ODAD2: variants seen among roughly 807,000 people sequenced by gnomAD.
ODAD2 encodes the protein outer dynein arm-docking complex subunit 2.
In ODAD2, 89 loss-of-function variants were observed where a neutral mutation model predicts 106.8. That is an observed-to-expected ratio of 0.83 (90% CI 0.70 to 0.99). The LOEUF (loss-of-function observed/expected upper bound fraction) is 0.99. Ranked by LOEUF, ODAD2 falls within the 50% of genes least tolerant of loss-of-function variation. The pLI, the probability that ODAD2 is intolerant of heterozygous loss-of-function variation, is 0.00. For missense variants in ODAD2, 1,168 were observed against 1,238.5 expected (o/e 0.94, Z 0.85); for synonymous variants, 404 against 436.2 (o/e 0.93, Z 0.92).
At chr10:27,899,834 C>A (rs957719364) in intron 17 of ODAD2, among the ~76,000 whole-genome samples, 6 of 152,204 alleles carry the variant, frequency 3.9e-5, no homozygotes, top group Non-Finnish European at 8.8e-5. Context: ...ATACATAAAA[C>A]TCCCATCTCC....
At chr10:27,916,988 A>T (rs544763604) in intron 16 of ODAD2, among the ~76,000 whole-genome samples, 12 of 152,320 alleles carry the variant, frequency 7.9e-5, no homozygotes, top group African/African-American at 2.9e-4. Flanking sequence ...AATAAAATTT[A>T]AAAAATGATA....
intron 19 of ODAD2, among the ~76,000 whole-genome samples, chr10:27,839,257 A>G (rs1002572922): frequency 2.0e-5 from 3 of 152,236 alleles, no homozygotes; most frequent in Admixed American, 6.5e-5. Flanking sequence ...CTGAAGATAT[A>G]TAAGTAACAA....
At chr10:27,903,838 C>A (rs1383960037) in intron 17 of ODAD2, among the ~76,000 whole-genome samples, 2 of 152,154 alleles carry the variant, frequency 1.3e-5, no homozygotes, top group South Asian at 4.1e-4. Context: ...TCACAGGCTG[C>A]CTGTCATTTC....
chr10:27,874,706 G>T (rs187482427), intron 17 of ODAD2, among the ~76,000 whole-genome samples: 1 of 152,174 alleles, frequency 6.6e-6, no homozygotes, highest in Non-Finnish European at 1.5e-5. Context: ...GTCTTGTAGG[G>T]TTTCTGCCGA....
chr10:27,883,797 T>C (rs1239078485), intron 17 of ODAD2, among the ~76,000 whole-genome samples: 2 of 152,118 alleles, frequency 1.3e-5, no homozygotes, highest in Non-Finnish European at 2.9e-5. Flanking sequence ...ATTCATTAGA[T>C]GGGCTTAACA....
At chr10:27,864,824 G>A (rs770307316) in intron 17 of ODAD2, among the ~76,000 whole-genome samples, 1 of 152,052 alleles carries the variant, frequency 6.6e-6, no homozygotes, top group Non-Finnish European at 1.5e-5. Context: ...CATCCCAACG[G>A]CGTATCAGGC....
chr10:27,994,399 C>T (rs1471912691), intron 2 of ODAD2, among the ~76,000 whole-genome samples: 5 of 152,088 alleles, frequency 3.3e-5, no homozygotes, highest in Admixed American at 6.6e-5. Context: ...GCAGGTAATA[C>T]GGAAGTACCC....
At chr10:27,842,076 C>G (rs2133119135) in intron 19 of ODAD2, among the ~76,000 whole-genome samples, 1 of 152,306 alleles carries the variant, frequency 6.6e-6, no homozygotes, top group South Asian at 2.1e-4. Context: ...AGTTAAGATG[C>G]ATCTCTTCAA....
chr10:27,964,946 G>A (rs1438411253), intron 9 of ODAD2, among the ~76,000 whole-genome samples: 2 of 152,178 alleles, frequency 1.3e-5, no homozygotes, highest in African/African-American at 4.8e-5. Flanking sequence ...CTTCAGTCTA[G>A]GTTAAGATTT....
chr10:27,895,975 C>G (rs1842829022), intron 17 of ODAD2, among the ~76,000 whole-genome samples: 2 of 152,132 alleles, frequency 1.3e-5, no homozygotes, highest in African/African-American at 4.8e-5. Flanking sequence ...GAAGAAACAG[C>G]CTTGCAAATC....
intron 16 of ODAD2, among the ~76,000 whole-genome samples, chr10:27,909,218 G>T (rs575183576): frequency 6.6e-6 from 1 of 151,762 alleles, no homozygotes; most frequent in East Asian, 1.9e-4. Context: ...TGAAAATTTC[G>T]CAGCAAATTT....
At chr10:27,839,949 G>A (rs1838188012) in intron 19 of ODAD2, among the ~76,000 whole-genome samples, 1 of 152,096 alleles carries the variant, frequency 6.6e-6, no homozygotes, top group Non-Finnish European at 1.5e-5. Context: ...ATCCATACCA[G>A]CAGTTGGCAG....
intron 17 of ODAD2, among the ~76,000 whole-genome samples, chr10:27,895,101 G>A (rs554954522): frequency 1.3e-5 from 2 of 150,090 alleles, no homozygotes; most frequent in African/African-American, 4.9e-5. Context: ...AAAATTACAG[G>A]TGATTTTTTT....
chr10:27,907,118 T>C (rs957669052), intron 17 of ODAD2, among the ~76,000 whole-genome samples: 1 of 152,170 alleles, frequency 6.6e-6, no homozygotes. Flanking sequence ...TCAAAAGTGA[T>C]CTTCAAAGAA....
At chr10:27,937,196 G>A (rs569268913) in intron 14 of ODAD2, among the ~76,000 whole-genome samples, 1 of 152,292 alleles carries the variant, frequency 6.6e-6, no homozygotes, top group African/African-American at 2.4e-5. Flanking sequence ...GCAAGGAATG[G>A]AGGATTTCTG....
At chr10:27,875,664 G>A (rs1841281077) in intron 17 of ODAD2, among the ~76,000 whole-genome samples, 1 of 152,206 alleles carries the variant, frequency 6.6e-6, no homozygotes, top group Admixed American at 6.5e-5. Context: ...TGAGGTACCA[G>A]GTTCATCTCA....
chr10:27,828,153 G>C (rs911155910), intron 19 of ODAD2, among the ~76,000 whole-genome samples: 15 of 152,178 alleles, frequency 9.9e-5, no homozygotes, highest in Admixed American at 3.3e-4. Flanking sequence ...AAATCCTAGG[G>C]ATCATTGATA....
chr10:27,965,344 G>T (rs1482379558), intron 9 of ODAD2, among the ~76,000 whole-genome samples: 7 of 152,180 alleles, frequency 4.6e-5, no homozygotes, highest in Non-Finnish European at 8.8e-5. Flanking sequence ...AAGGAGAACA[G>T]CTGCTGTCAC....
chr10:27,892,295 A>T (rs966738341), intron 17 of ODAD2, among the ~76,000 whole-genome samples: 4 of 152,186 alleles, frequency 2.6e-5, no homozygotes, highest in Non-Finnish European at 4.4e-5. Flanking sequence ...AAACTTCTTT[A>T]AAAATATGCA....
Sources: allele counts gnomAD v4.1 joint callset (sites outside exome capture counted in the v4.1 genomes callset), GRCh38; gene constraint gnomAD v4.1.1; transcripts MANE v1.5; gene names NCBI Gene and HGNC (gene_info 2026-07-23, HGNC 2026-07-21).